Variants in MAPK4 observed in about 807,000 individuals in gnomAD.
MAPK4 encodes mitogen-activated protein kinase 4.
MAPK4 carries 22 observed loss-of-function variants against 47.7 expected under a neutral mutation model. That is an observed-to-expected ratio of 0.46 (90% CI 0.33 to 0.66). MAPK4 has a LOEUF of 0.66. MAPK4 is among the 30% of genes least tolerant of loss of function. The pLI is 0.02. For missense variants in MAPK4, 736 were observed against 831.7 expected, an observed-to-expected ratio of 0.88 and a Z score of 1.42; for synonymous variants, 390 against 365.7, an observed-to-expected ratio of 1.07 and a Z score of -0.76.
intron 2 of MAPK4, among the ~76,000 whole-genome samples, chr18:50,683,338 G>A (rs751373624): frequency 3.9e-5 from 6 of 151,928 alleles, no homozygotes; most frequent in Non-Finnish European, 7.4e-5. Flanking sequence ...GGCCAGGCTG[G>A]TCTTGAACTC....
intron 1 of MAPK4, among the ~76,000 whole-genome samples, chr18:50,653,881 G>A (rs926412748): frequency 1.3e-5 from 2 of 152,200 alleles, no homozygotes; most frequent in Non-Finnish European, 2.9e-5. Flanking sequence ...GAAAGATCCC[G>A]TTAGCAATGG....
chr18:50,674,520 C>T (rs1262778926), intron 2 of MAPK4, among the ~76,000 whole-genome samples: 3 of 152,186 alleles, frequency 2.0e-5, no homozygotes, highest in African/African-American at 7.2e-5. Flanking sequence ...CCACTCCACT[C>T]CCTCGTGTTG....
intron 1 of MAPK4, among the ~76,000 whole-genome samples, chr18:50,610,191 A>G (rs944716233): frequency 1.3e-5 from 2 of 152,196 alleles, no homozygotes; most frequent in Non-Finnish European, 2.9e-5. Flanking sequence ...GGTAACATAG[A>G]GATATAACCA....
intron 1 of MAPK4, among the ~76,000 whole-genome samples, chr18:50,595,662 C>G (rs1311497116): frequency 6.6e-6 from 1 of 152,170 alleles, no homozygotes; most frequent in East Asian, 1.9e-4. Flanking sequence ...AAATTGAACA[C>G]TTAAGATCTG....
In MAPK4 at chr18:50,680,386, C is replaced by T. The variant is rs537987679; in HGVS notation, c.546+15882C>T. Among the ~76,000 whole-genome samples the T allele has an allele frequency of 7.9e-5, 12 of 152,238 alleles. No homozygotes were observed. In the East Asian group the frequency reaches 1.9e-3, roughly 25 times the overall value. On this transcript the variant is annotated intron_variant, in intron 2 of 5. Coordinates refer to ENST00000400384, the MANE Select transcript of MAPK4 (RefSeq NM_002747.4). ...GGATTACAGGTGTGAGCCACCGCGC[C>T]TGGCCTAAACTCTTTTTAAAAACAA...
intron 1 of MAPK4, among the ~76,000 whole-genome samples, chr18:50,657,581 T>G (rs1402353953): frequency 6.6e-6 from 1 of 152,140 alleles, no homozygotes; most frequent in Non-Finnish European, 1.5e-5. Flanking sequence ...CCAGCTCAAA[T>G]GCCAACACCA....
chr18:50,693,537 G>A (rs963415392), intron 2 of MAPK4, among the ~76,000 whole-genome samples: 2 of 152,128 alleles, frequency 1.3e-5, no homozygotes, highest in African/African-American at 4.8e-5. Context: ...TCCGCCCTTC[G>A]ACTTCTGAGT....
At chr18:50,561,646 A>G (rs2042154585) in intron 1 of MAPK4, among the ~76,000 whole-genome samples, 2 of 152,178 alleles carry the variant, frequency 1.3e-5, no homozygotes, top group Admixed American at 1.3e-4. Flanking sequence ...AAAATATAAT[A>G]TCTTCTGAAC....
intron 1 of MAPK4, among the ~76,000 whole-genome samples, chr18:50,575,235 G>A (rs1225227457): frequency 6.6e-6 from 1 of 152,184 alleles, no homozygotes; most frequent in Non-Finnish European, 1.5e-5. Flanking sequence ...AGGGTTCAAG[G>A]TGTCACCTTG....
At chr18:50,661,149 T>C (rs1598880779) in intron 1 of MAPK4, among the ~76,000 whole-genome samples, 1 of 152,128 alleles carries the variant, frequency 6.6e-6, no homozygotes, top group Admixed American at 6.5e-5. Context: ...TGTCTCTTCC[T>C]AAAAAAAATA....
At chr18:50,695,666 G>T (rs919968123) in intron 2 of MAPK4, among the ~76,000 whole-genome samples, 1 of 152,184 alleles carries the variant, frequency 6.6e-6, no homozygotes, top group Admixed American at 6.5e-5. Context: ...TAGAGAGAGC[G>T]CCTGGGGAGC....
chr18:50,675,409 C>T (rs865807310), intron 2 of MAPK4, among the ~76,000 whole-genome samples: 9 of 151,978 alleles, frequency 5.9e-5, no homozygotes, highest in South Asian at 2.1e-4. Context: ...CTCCGCCTCC[C>T]GGGTTCATGC....
chr18:50,730,032 T>A lies in MAPK4; in HGVS notation c.*178T>A. ...TTAAACTGCCTTAATAACTAGCCTT[T>A]AACCTGTGGGAGCGGGTTTGAACAG... On this transcript the variant is annotated 3_prime_UTR_variant, in exon 6 of 6. Transcript: ENST00000400384. The A allele has an allele frequency of 1.6e-6, 1 of 621,102 alleles. No individual in the cohort carries two copies. Among genetic ancestry groups the A allele is most frequent in the Non-Finnish European group, 2.6e-6 (1 of 385,506 alleles). The allele number at this position is 621,102 out of a possible 1,614,324, so 38.5% of individuals were successfully genotyped here. A position where few individuals can be genotyped will look rare whatever the true frequency, so the allele number is the denominator to read the frequency against.
chr18:50,662,151 G>A (rs1019703759), intron 1 of MAPK4, among the ~76,000 whole-genome samples: 1 of 152,226 alleles, frequency 6.6e-6, no homozygotes, highest in Non-Finnish European at 1.5e-5. Flanking sequence ...TGAGAATAAA[G>A]CAGCAGTCTG....
At chr18:50,708,582 GT>G (rs1910183199) in intron 2 of MAPK4, among the ~76,000 whole-genome samples, 1 of 152,286 alleles carries the variant, frequency 6.6e-6, no homozygotes, top group African/African-American at 2.4e-5. Context: ...GCACCCCAAA[GT>G]TTGAGAAGCC....
At chr18:50,595,863 T>G (rs1002547160) in intron 1 of MAPK4, among the ~76,000 whole-genome samples, 2 of 152,192 alleles carry the variant, frequency 1.3e-5, no homozygotes, top group Non-Finnish European at 2.9e-5. Flanking sequence ...GCTTTCCATT[T>G]ATTGTATTTG....
chr18:50,676,757 A>G (rs1176938074), intron 2 of MAPK4, among the ~76,000 whole-genome samples: 2 of 152,246 alleles, frequency 1.3e-5, no homozygotes, highest in African/African-American at 4.8e-5. Flanking sequence ...TTACACGAGT[A>G]TGTTCTATGA....
chr18:50,664,259 G>T lies in MAPK4; in HGVS notation c.301G>T (p.Ala101Ser). 6.2e-7 allele frequency: 1 copy of T among 1,613,824 alleles called. No homozygotes were observed. The highest frequency in any genetic ancestry group is 8.5e-7 in the Non-Finnish European group (1 of 1,179,954). ...GGGTGAGCTGTTCAAGTTCAGCGTG[G>T]CGTACATCGTCCAGGAGTACATGGA... ...LQGELFKFSV[A>S]YIVQEYMETD... The change falls in exon 2 of 6, where the codon GCG becomes TCG. Residue 101 changes from alanine to serine, a missense_variant. Ala to Ser is a moderately conservative substitution (Grantham distance 99). Coordinates refer to ENST00000400384, the MANE Select transcript of MAPK4 (RefSeq NM_002747.4). The surrounding 1 kb of genome is among the most constrained non-coding windows in gnomAD (Gnocchi z 6.0).
At chr18:50,653,500 A>G (rs2043074490) in intron 1 of MAPK4, among the ~76,000 whole-genome samples, 1 of 152,226 alleles carries the variant, frequency 6.6e-6, no homozygotes, top group Non-Finnish European at 1.5e-5. Context: ...GATGCTCAAG[A>G]GTGCTCTGTA....
Sources: allele counts gnomAD v4.1 joint callset (sites outside exome capture counted in the v4.1 genomes callset), GRCh38; gene constraint gnomAD v4.1.1; non-coding constraint Gnocchi (gnomAD v3.1); transcripts MANE v1.5; gene names NCBI Gene and HGNC (gene_info 2026-07-23, HGNC 2026-07-21).